Variants in RUFY2 observed in about 807,000 individuals in gnomAD.
RUFY2 encodes RUN and FYVE domain containing 2, also known as RUN and FYVE domain-containing protein 2.
A neutral mutation model predicts 94.4 loss-of-function variants in RUFY2; 49 were observed. The ratio of observed to expected loss-of-function variants is 0.52; its 90% confidence interval spans 0.41 to 0.66. The LOEUF (loss-of-function observed/expected upper bound fraction) is 0.66, where lower values mean the gene tolerates loss of function less well. Ranked by LOEUF, RUFY2 falls within the 30% of genes least tolerant of loss-of-function variation. RUFY2 has a pLI of 0.00. For synonymous variants in RUFY2, 255 were observed against 235.7 expected, an observed-to-expected ratio of 1.08 and a Z score of -0.75; for missense variants, 541 against 692.8, an observed-to-expected ratio of 0.78 and a Z score of 2.46.
At chr10:68,341,817 A>C (rs774983752), downstream of RUFY2, 5 of 1,611,122 alleles carry the variant, frequency 3.1e-6, no homozygotes, top group Non-Finnish European at 4.2e-6. Flanking sequence ...ATTACAGTGG[A>C]GGATATGGTA....
At chr10:68,383,501 T>A (rs1392827882) in intron 10 of RUFY2, among the ~76,000 whole-genome samples, 2 of 151,468 alleles carry the variant, frequency 1.3e-5, no homozygotes, top group African/African-American at 4.9e-5. Context: ...TGCCTTGTAC[T>A]CCCAATTACT....
At chr10:68,355,087 C>T (rs1218088055) in intron 16 of RUFY2, among the ~76,000 whole-genome samples, 4 of 152,004 alleles carry the variant, frequency 2.6e-5, no homozygotes, top group Non-Finnish European at 4.4e-5. Flanking sequence ...CCTCAAATGA[C>T]CCACCTGCCT....
intron 13 of RUFY2, among the ~76,000 whole-genome samples, chr10:68,366,261 C>T (rs2047802941): frequency 1.5e-5 from 2 of 129,472 alleles, no homozygotes; most frequent in East Asian, 2.5e-4. Context: ...ACCCGGGAGG[C>T]GGAGGTTGCA....
At chr10:68,384,249 C>G (rs183926795) in intron 8 of RUFY2, 97 bp from the exon 9 acceptor site, 1 of 1,393,272 alleles carries the variant, frequency 7.2e-7, no homozygotes, top group East Asian at 2.6e-5. Context: ...AAAATAAAAT[C>G]TCACAACTAG....
intron 13 of RUFY2, among the ~76,000 whole-genome samples, chr10:68,376,488 ATATT>A (rs1564816399): frequency 1.6e-3 from 37 of 22,502 alleles, no homozygotes; most frequent in Non-Finnish European, 5.0e-3. Context: ...ATATATATAT[ATATT>A]CTCAGAAAAC....
At chr10:68,385,053 G>A (rs948330708) in intron 8 of RUFY2, among the ~76,000 whole-genome samples, 2 of 152,174 alleles carry the variant, frequency 1.3e-5, no homozygotes, top group Non-Finnish European at 2.9e-5. Context: ...CACGAGGTCA[G>A]GAGTTTGAGA....
intron 13 of RUFY2, among the ~76,000 whole-genome samples, chr10:68,366,747 T>TAC (rs2047853399): frequency 7.4e-6 from 1 of 135,050 alleles, no homozygotes; most frequent in Non-Finnish European, 1.6e-5. Flanking sequence ...AAAATATATA[T>TAC]ATATATATAT....
At chr10:68,346,907 C>T (rs2046313809) in intron 16 of RUFY2, among the ~76,000 whole-genome samples, 1 of 152,154 alleles carries the variant, frequency 6.6e-6, no homozygotes, top group Non-Finnish European at 1.5e-5. Flanking sequence ...GAGGCCGAGG[C>T]AGGAGGATTG....
chr10:68,366,148 G>A (rs758805960), intron 13 of RUFY2, among the ~76,000 whole-genome samples: 2 of 151,852 alleles, frequency 1.3e-5, no homozygotes, highest in Non-Finnish European at 2.9e-5. Flanking sequence ...CCAACATGGT[G>A]AAACCCCATC....
At chr10:68,392,063 CT>C (rs1307471975) in intron 7 of RUFY2, among the ~76,000 whole-genome samples, 1 of 150,636 alleles carries the variant, frequency 6.6e-6, no homozygotes, top group Non-Finnish European at 1.5e-5. Context: ...TCACATTTCA[CT>C]TTTGTTGCCC....
rs912040014 is a variant in RUFY2, at chr10:68,391,174, G to A, written c.650+1964C>T. On this transcript the variant is annotated intron_variant, in intron 7 of 17. Transcript: ENST00000602465. ...TGGTCTCGAACTCCTGATCTCAAGTGATCCACATGCCTCGGCCTCCCAAAG... is the reference window on the plus strand; with the variant it reads ...TGGTCTCGAACTCCTGATCTCAAGTAATCCACATGCCTCGGCCTCCCAAAG... Among the ~76,000 whole-genome samples the A allele has an allele frequency of 5.9e-5, 9 of 151,992 alleles. No individual in the cohort carries two copies. The East Asian group carries it at 9.7e-4, about 16-fold the overall frequency.
rs761896032 is a variant in RUFY2, at chr10:68,363,690, G to C, written c.1456-6C>G. 6.5e-7 allele frequency: 1 copy of C among 1,533,180 alleles called. No homozygotes were observed. Among genetic ancestry groups the C allele is most frequent in the South Asian group, 1.2e-5 (1 of 82,490 alleles). The allele number at this position is 1,533,180 out of a possible 1,614,324, so 95.0% of individuals were successfully genotyped here. A position where few individuals can be genotyped will look rare whatever the true frequency, so the allele number is the denominator to read the frequency against. ...TCCTGGAGGTTAAGGAACTCCTTCAGAACAATAAAAGACAGAAAATGAAAT... is the reference window on the plus strand; with the variant it reads ...TCCTGGAGGTTAAGGAACTCCTTCACAACAATAAAAGACAGAAAATGAAAT... On this transcript the variant is annotated splice_polypyrimidine_tract_variant and splice_region_variant and intron_variant, in intron 14 of 17. Transcript: ENST00000602465.
intron 10 of RUFY2, among the ~76,000 whole-genome samples, chr10:68,382,660 G>A (rs1397859569): frequency 6.7e-6 from 1 of 149,724 alleles, no homozygotes; most frequent in Non-Finnish European, 1.5e-5. Flanking sequence ...CTTGCAGTGA[G>A]CCGAGATGGC....
intron 3 of RUFY2, 117 bp from the exon 4 acceptor site, chr10:68,396,998 T>C (rs537105327): frequency 1.1e-5 from 7 of 640,384 alleles, no homozygotes; most frequent in African/African-American, 7.3e-5. Context: ...TTTGTTTTCA[T>C]TTTTATAGGT....
chr10:68,342,157 A>C (rs1297969273), downstream of RUFY2: 7 of 724,018 alleles, frequency 9.7e-6, no homozygotes, highest in Non-Finnish European at 1.3e-5. Context: ...ATAATGACTG[A>C]AGGAATGTGT....
At chr10:68,380,870 AC>A (rs2049013256) in intron 11 of RUFY2, among the ~76,000 whole-genome samples, 1 of 152,176 alleles carries the variant, frequency 6.6e-6, no homozygotes, top group Non-Finnish European at 1.5e-5. Context: ...TCAAAAAAAA[AC>A]AAAGAAAGAA....
chr10:68,385,005 T>A (rs2049372667), intron 8 of RUFY2, among the ~76,000 whole-genome samples: 1 of 152,330 alleles, frequency 6.6e-6, no homozygotes, highest in Non-Finnish European at 1.5e-5. Flanking sequence ...GGCTCACACC[T>A]GTAATCCCAG....
downstream of RUFY2, chr10:68,341,507 C>T: frequency 9.0e-7 from 1 of 1,115,574 alleles, no homozygotes; most frequent in Non-Finnish European, 1.3e-6. Flanking sequence ...CTTAATTGAT[C>T]TTTTTTACAA....
intron 11 of RUFY2, among the ~76,000 whole-genome samples, chr10:68,380,665 C>T (rs2048992815): frequency 6.6e-6 from 1 of 152,084 alleles, no homozygotes; most frequent in African/African-American, 2.4e-5. Flanking sequence ...AATTCGAAAC[C>T]AGCCTGGCCA....
Sources: allele counts gnomAD v4.1 joint callset (sites outside exome capture counted in the v4.1 genomes callset), GRCh38; gene constraint gnomAD v4.1.1; transcripts MANE v1.5; gene names NCBI Gene and HGNC (gene_info 2026-07-23, HGNC 2026-07-21).